The following CCDC57 variants were observed in gnomAD, a reference collection of about 807,000 sequenced individuals.
CCDC57 encodes coiled-coil domain containing 57.
CCDC57 carries 118 observed loss-of-function variants against 118.9 expected under a neutral mutation model. The ratio of observed to expected loss-of-function variants is 0.99; its 90% CI spans 0.86 to 1.16. CCDC57 has a LOEUF of 1.16. CCDC57 is among the 50% of genes most tolerant of loss of function. CCDC57 has a pLI of 0.00. For synonymous variants in CCDC57, 527 were observed against 532.9 expected, an observed-to-expected ratio of 0.99 and a Z score of 0.15; for missense variants, 1,300 against 1,320.7, an observed-to-expected ratio of 0.98 and a Z score of 0.24.
chr17:82,190,960 T>C (rs1025019724), intron 7 of CCDC57, among the ~76,000 whole-genome samples: 13 of 151,854 alleles, frequency 8.6e-5, no homozygotes, highest in African/African-American at 2.7e-4. Context: ...ACTGAAGCCA[T>C]TGTTGCTATA....
At chr17:82,105,367 GCATCTAGTTA>G (rs1353407833) in intron 19 of CCDC57, among the ~76,000 whole-genome samples, 2 of 152,166 alleles carry the variant, frequency 1.3e-5, no homozygotes, top group African/African-American at 4.8e-5. Flanking sequence ...CTTCTCAAAT[GCATCTAGTTA>G]TTTCCAAGTC....
At chr17:82,145,722 A>G in intron 16 of CCDC57, 2 of 390,346 alleles carry the variant, frequency 5.1e-6, no homozygotes, top group South Asian at 3.7e-5. Context: ...AGGGTCCCAC[A>G]GCACCTGCCT....
At chr17:82,202,059 G>A (rs1392665228) in intron 2 of CCDC57, 107 bp from the exon 2 acceptor site, 18 of 1,149,850 alleles carry the variant, frequency 1.6e-5, no homozygotes, top group South Asian at 8.1e-5. Context: ...GGCCGGGCAC[G>A]GTGGCTCACA....
chr17:82,199,754 G>A (rs1278362641), intron 3 of CCDC57, among the ~76,000 whole-genome samples: 6 of 152,096 alleles, frequency 3.9e-5, no homozygotes, highest in African/African-American at 1.4e-4. Flanking sequence ...CTTCATGCTG[G>A]GGACGGGAGC....
exon 11 of CCDC57, chr17:82,178,485 G>A (rs1486317127): frequency 1.2e-6 from 2 of 1,611,868 alleles, no homozygotes. Context: ...TGTGCCCCTG[G>A]TCTGGGGAGC....
chr17:82,163,276 G>T (rs760897395), exon 14 of CCDC57: 10 of 1,614,064 alleles, frequency 6.2e-6, no homozygotes, highest in Non-Finnish European at 8.5e-6. Context: ...CAGTCCAGAG[G>T]ATACTGGGCC....
chr17:82,151,626 G>A lies in CCDC57; in HGVS notation c.2389C>T (p.Arg797Cys), dbSNP rs528234872. 229 of 1,550,356 alleles carry A rather than the reference G, an allele frequency of 1.5e-4. 2 individuals carry two copies. Among genetic ancestry groups the A allele is most frequent in the South Asian group, 1.1e-3 (89 of 84,062 alleles). Residue 797 changes from arginine to cysteine, a missense_variant, in exon 16 of 20, where the codon CGC (arginine) becomes TGC (cysteine). By Grantham distance (180) the Arg-to-Cys change is radical (BLOSUM62 -3). Coordinates refer to ENST00000665763, the Ensembl canonical transcript of CCDC57. ...TCGATGAGCTGCTCTTTCTCCAGGCGGAGGCTGATGATTTTTCTGGCTGCC... is the reference window on the plus strand; with the variant it reads ...TCGATGAGCTGCTCTTTCTCCAGGCAGAGGCTGATGATTTTTCTGGCTGCC...
At chr17:82,205,050 T>G (rs1208902611) in intron 2 of CCDC57, among the ~76,000 whole-genome samples, 1 of 152,238 alleles carries the variant, frequency 6.6e-6, no homozygotes, top group Non-Finnish European at 1.5e-5. Context: ...TCCCACTGTC[T>G]GGCACAGTCT....
In CCDC57 at chr17:82,172,729, G is replaced by C; in HGVS notation, c.1638C>G (p.Ser546Arg). ...TCTGGATGGGAGGAGGAATCTGATGGCTTAGAGCCTCCATTTCTTTCCTCA... is the reference window on the plus strand; with the variant it reads ...TCTGGATGGGAGGAGGAATCTGATGCCTTAGAGCCTCCATTTCTTTCCTCA... Residue 546 changes from serine (S) to arginine (R), a missense_variant, in exon 12 of 20, where the codon AGC becomes AGG. Transcript: ENST00000665763. The surrounding 1 kb of genome is among the most constrained non-coding windows in gnomAD (Gnocchi z 5.2). 1 of 1,597,774 alleles carries C rather than the reference G, an allele frequency of 6.3e-7. No homozygotes were observed. Among genetic ancestry groups the C allele is most frequent in the South Asian group, 1.1e-5 (1 of 88,244 alleles).
chr17:82,110,271 T>C (rs2035153048), intron 19 of CCDC57, among the ~76,000 whole-genome samples: 1 of 152,050 alleles, frequency 6.6e-6, no homozygotes, highest in Non-Finnish European at 1.5e-5. Context: ...TGAGCTGCCA[T>C]ACCTGGCCAG....
At chr17:82,195,286 T>C (rs766267301) in exon 5 of CCDC57, 68 of 1,599,416 alleles carry the variant, frequency 4.3e-5, no homozygotes, top group Admixed American at 3.4e-5. Flanking sequence ...GACAAGGCTG[T>C]GTTGCTCATG....
At position 82,198,431 on chromosome 17, in the gene CCDC57, AT is replaced by A; in HGVS notation, c.408-10del. On this transcript the variant is annotated splice_polypyrimidine_tract_variant and intron_variant, in intron 3 of 19. Coordinates refer to ENST00000665763, the Ensembl canonical transcript of CCDC57. ...TCTCACCATTCTTGTCACTATGGTA[AT>A]AAAACAGCATTAAGAAAAGCCATAC... 6.5e-7 allele frequency: 1 copy of A among 1,529,756 alleles called. No individual in the cohort carries two copies. Among genetic ancestry groups the A allele is most frequent in the Non-Finnish European group, 9.0e-7 (1 of 1,107,104 alleles). The allele number at this position is 1,529,756 out of a possible 1,614,324, so 94.8% of individuals were successfully genotyped here. A position where few individuals can be genotyped will look rare whatever the true frequency, so the allele number is the denominator to read the frequency against.
chr17:82,201,758 C>G (rs372764438), exon 3 of CCDC57: 1 of 1,613,862 alleles, frequency 6.2e-7, no homozygotes, highest in South Asian at 1.1e-5. Flanking sequence ...TCCTCCAGCA[C>G]CTGAAGGTTG....
intron 19 of CCDC57, among the ~76,000 whole-genome samples, chr17:82,114,808 T>G (rs1009472432): frequency 6.6e-6 from 1 of 152,234 alleles, no homozygotes; most frequent in East Asian, 1.9e-4. Flanking sequence ...GTGCCATGAT[T>G]TGGCCCATAC....
At chr17:82,201,468 A>G (rs2048983351) in intron 3 of CCDC57, 70 bp downstream of exon 2, 23 of 1,456,706 alleles carry the variant, frequency 1.6e-5, no homozygotes, top group Non-Finnish European at 2.0e-5. Context: ...CGGGCAGCAC[A>G]GCGGAGCAGG....
intron 19 of CCDC57, among the ~76,000 whole-genome samples, chr17:82,125,944 A>C (rs1568180092): frequency 6.6e-6 from 1 of 152,282 alleles, no homozygotes; most frequent in East Asian, 1.9e-4. Flanking sequence ...GGGAAGTGTG[A>C]GCGATGGAAA....
chr17:82,133,481 T>G (rs1360790201), intron 17 of CCDC57, among the ~76,000 whole-genome samples: 1 of 149,414 alleles, frequency 6.7e-6, no homozygotes, highest in African/African-American at 2.5e-5. Flanking sequence ...TTTTTTTCAC[T>G]TATCATACCA....
exon 15 of CCDC57, chr17:82,157,862 C>T: frequency 1.3e-6 from 2 of 1,588,518 alleles, no homozygotes; most frequent in South Asian, 2.3e-5. Context: ...CCTGCTTCCG[C>T]AGCTCCAAAA....
chr17:82,170,875 C>T (rs892705484), intron 13 of CCDC57, among the ~76,000 whole-genome samples: 10 of 152,158 alleles, frequency 6.6e-5, no homozygotes, highest in African/African-American at 1.4e-4. Flanking sequence ...CAGAAGGAGC[C>T]GCTGACCACG....
Sources: allele counts gnomAD v4.1 joint callset (sites outside exome capture counted in the v4.1 genomes callset), GRCh38; gene constraint gnomAD v4.1.1; non-coding constraint Gnocchi (gnomAD v3.1); transcripts MANE v1.5; gene names NCBI Gene and HGNC (gene_info 2026-07-23, HGNC 2026-07-21).